The following PCDHA3 variants were observed in gnomAD, a reference collection of about 807,000 sequenced individuals.
PCDHA3 encodes the protein protocadherin alpha 3.
PCDHA3 carries 41 observed loss-of-function variants against 62.2 expected under a neutral mutation model. The ratio of observed to expected loss-of-function variants is 0.66; its 90% CI spans 0.51 to 0.86. The LOEUF is 0.86. Among genes scored for constraint, PCDHA3 ranks in the 40% least tolerant of loss-of-function variants. The pLI is 0.00. For synonymous variants in PCDHA3, 640 were observed against 555.4 expected, an observed-to-expected ratio of 1.15 and a Z score of -2.14; for missense variants, 1,304 against 1,241.2, an observed-to-expected ratio of 1.05 and a Z score of -0.76.
intron 1 of PCDHA3, chr5:140,808,203 A>C (rs1554124450): frequency 6.2e-7 from 1 of 1,614,250 alleles, no homozygotes; most frequent in Admixed American, 1.7e-5. Flanking sequence ...GTTATTGTGG[A>C]AGTAGAAGAC....
chr5:140,959,073 G>A (rs775479268), intron 1 of PCDHA3, among the ~76,000 whole-genome samples: 2 of 152,094 alleles, frequency 1.3e-5, no homozygotes, highest in Non-Finnish European at 2.9e-5. Flanking sequence ...ATAGAATTCA[G>A]TATTATCCTT....
chr5:140,916,579 T>C (rs1013124807), intron 1 of PCDHA3, among the ~76,000 whole-genome samples: 14 of 152,176 alleles, frequency 9.2e-5, no homozygotes, highest in Non-Finnish European at 1.6e-4. Context: ...AGAAATGTCA[T>C]CCATGAGCTA....
intron 1 of PCDHA3, among the ~76,000 whole-genome samples, chr5:140,973,163 G>A (rs1473284872): frequency 1.3e-5 from 2 of 152,166 alleles, no homozygotes; most frequent in African/African-American, 4.8e-5. Context: ...GCAATTTGTA[G>A]TCACCAAACC....
In PCDHA3 at chr5:141,010,640, G is replaced by A. The variant is rs2098417874; in HGVS notation, c.*703G>A. The A allele has an allele frequency of 5.6e-6, 1 of 179,322 alleles. No homozygotes were observed. Among genetic ancestry groups the A allele is most frequent in the South Asian group, 1.4e-4 (1 of 7,048 alleles). 11.1% of individuals were successfully genotyped at this position (179,322 alleles called of 1,614,324 possible). A position where few individuals can be genotyped will look rare whatever the true frequency, so the allele number is the denominator to read the frequency against. On this transcript the variant is annotated 3_prime_UTR_variant, in exon 4 of 4. Transcript: ENST00000522353. ...TCTGCATCATACCTGCAAGCCAACA[G>A]TTCAGTGTTTTAACAGAGAACCACC...
chr5:140,856,535 G>C (rs782625131), intron 1 of PCDHA3: 1 of 1,598,416 alleles, frequency 6.3e-7, no homozygotes, highest in Non-Finnish European at 8.6e-7. Flanking sequence ...GGATGTTGGA[G>C]AGAACGCATT....
In PCDHA3 at chr5:140,876,715, C is replaced by G. The variant is rs570565884; in HGVS notation, c.2394+73124C>G. 3.1e-5 allele frequency: 50 copies of G among 1,614,234 alleles called. No homozygotes were observed. The highest frequency in any genetic ancestry group is 3.3e-4 in the Middle Eastern group (2 of 6,062). On this transcript the variant is annotated intron_variant, in intron 1 of 3. Coordinates refer to ENST00000522353, the MANE Select transcript of PCDHA3 (RefSeq NM_018906.3). ...GTTGGTGCTGGACAGCGCCCTGGAC[C>G]GCGAGAGCGTGTCGGCCTATGAGCT...
intron 1 of PCDHA3, chr5:140,876,434 A>G (rs2056340599): frequency 1.2e-6 from 2 of 1,613,976 alleles, no homozygotes; most frequent in Non-Finnish European, 1.7e-6. Flanking sequence ...ATTCAGGTTA[A>G]CGCCATTGAT....
intron 3 of PCDHA3, among the ~76,000 whole-genome samples, chr5:140,990,983 A>G (rs3776109): frequency 0.049 from 7,423 of 152,298 alleles, 240 homozygotes; most frequent in South Asian, 0.11. Flanking sequence ...AAAGGAAGAC[A>G]ATAGCTACCA....
chr5:140,846,514 A>G (rs1554141354), intron 1 of PCDHA3, among the ~76,000 whole-genome samples: 1 of 147,154 alleles, frequency 6.8e-6, no homozygotes, highest in African/African-American at 2.5e-5. Flanking sequence ...AGCTGGGATT[A>G]CAGGTGCATG....
intron 1 of PCDHA3, among the ~76,000 whole-genome samples, chr5:140,917,117 C>T (rs1318149439): frequency 3.3e-5 from 5 of 152,018 alleles, no homozygotes; most frequent in South Asian, 2.1e-4. Flanking sequence ...CCTCCAAGTG[C>T]GCAGACTCCC....
In PCDHA3 at chr5:140,841,681, C is replaced by T. The variant is rs2150320703; in HGVS notation, c.2394+38090C>T. 2.5e-6 allele frequency: 4 copies of T among 1,613,906 alleles called. No individual in the cohort carries two copies. In the South Asian group the frequency reaches 4.4e-5, roughly 18 times the overall value. ...GGCCGCTGCAGGTTTTCCATGTGGA[C>T]GTGGAGGTGAAGGATGTTAATGACA... On this transcript the variant is annotated intron_variant, in intron 1 of 3. Transcript: ENST00000522353.
intron 3 of PCDHA3, among the ~76,000 whole-genome samples, chr5:140,984,963 A>T (rs1390500469): frequency 1.3e-5 from 2 of 151,890 alleles, no homozygotes; most frequent in Non-Finnish European, 2.9e-5. Context: ...TTTGAGACAG[A>T]GTCTCGCTCT....
intron 1 of PCDHA3, among the ~76,000 whole-genome samples, chr5:140,898,431 A>G (rs1482364069): frequency 6.6e-6 from 1 of 152,182 alleles, no homozygotes; most frequent in East Asian, 1.9e-4. Context: ...TCCCAGCACC[A>G]TTTATTAAAT....
intron 1 of PCDHA3, chr5:140,849,719 G>T (rs1386986772): frequency 6.3e-7 from 1 of 1,598,444 alleles, no homozygotes; most frequent in African/African-American, 1.3e-5. Context: ...ACTCGTTGGT[G>T]CTGGACAGAG....
chr5:140,990,611 G>T lies in PCDHA3; in HGVS notation c.2542+8048G>T, dbSNP rs577900189. ...AATCACCTGGAGTCAGATGAATACCGTAAAGGTCTGTGGTAAGACTAGAAG... is the reference window on the plus strand; with the variant it reads ...AATCACCTGGAGTCAGATGAATACCTTAAAGGTCTGTGGTAAGACTAGAAG... On this transcript the variant is annotated intron_variant, in intron 3 of 3. Transcript: ENST00000522353. 5.3e-5 allele frequency among the ~76,000 whole-genome samples: 8 copies of T among 152,230 alleles called. No homozygotes were observed. In the East Asian group the frequency reaches 9.6e-4, roughly 18 times the overall value.
Position 140,850,049 on chromosome 5 carries a change from C to T in PCDHA3, c.2394+46458C>T, listed in dbSNP as rs1354549642. 22 of 1,596,350 alleles carry T rather than the reference C, an allele frequency of 1.4e-5. 2 individuals carry two copies. Among genetic ancestry groups the T allele is most frequent in the Non-Finnish European group, 1.9e-5 (22 of 1,167,808 alleles). Reference sequence around the variant, plus strand: ...TGCACGCGGAGAGCGGCAAGGTGTACGCGCTGCAGCCGTTGGACCACGAGG... The same window carrying T: ...TGCACGCGGAGAGCGGCAAGGTGTATGCGCTGCAGCCGTTGGACCACGAGG... On this transcript the variant is annotated intron_variant, in intron 1 of 3. Coordinates refer to ENST00000522353, the MANE Select transcript of PCDHA3 (RefSeq NM_018906.3).
At chr5:140,826,195 T>A (rs1554130490) in intron 1 of PCDHA3, among the ~76,000 whole-genome samples, 1 of 152,214 alleles carries the variant, frequency 6.6e-6, no homozygotes, top group African/African-American at 2.4e-5. Context: ...AAGTTAACAA[T>A]GGTCACATTT....
At chr5:140,857,985 T>C (rs1554150982) in intron 1 of PCDHA3, 4 of 1,596,676 alleles carry the variant, frequency 2.5e-6, no homozygotes, top group South Asian at 2.2e-5. Flanking sequence ...CGCCAGCGCC[T>C]ACTGGTGCTG....
intron 1 of PCDHA3, chr5:140,929,117 T>C (rs1554206704): frequency 1.9e-6 from 3 of 1,614,160 alleles, no homozygotes; most frequent in African/African-American, 2.7e-5. Context: ...TCAGCCACCA[T>C]AGATGTCACT....
Sources: gnomAD v4.1 joint callset for allele counts (sites outside exome capture counted in the v4.1 genomes callset) on GRCh38, gnomAD v4.1.1 for gene constraint, MANE v1.5 for transcripts, NCBI Gene and HGNC (gene_info 2026-07-23, HGNC 2026-07-21) for gene names.